The following ZSWIM9 variants were observed in gnomAD, a reference collection of about 807,000 sequenced individuals.
ZSWIM9 encodes the protein zinc finger SWIM-type containing 9.
ZSWIM9 carries 11 observed loss-of-function variants against 25.0 expected under a neutral mutation model. The observed-to-expected ratio is 0.44, with a 90% CI of 0.28 to 0.73. The LOEUF (loss-of-function observed/expected upper bound fraction) is 0.73, where lower values mean the gene tolerates loss of function less well. Ranked by LOEUF, ZSWIM9 falls within the 30% of genes least tolerant of loss-of-function variation. The probability of loss-of-function intolerance (pLI) is 0.16; values close to 1 mark genes in which losing one functional copy is unlikely to be tolerated. For missense variants in ZSWIM9, 1,070 were observed against 1,296.5 expected (o/e 0.83, Z 2.68); for synonymous variants, 562 against 582.1 (o/e 0.97, Z 0.50).
intron 3 of ZSWIM9, among the ~76,000 whole-genome samples, chr19:48,187,513 A>AT (rs2037036188): frequency 5.7e-5 from 4 of 69,618 alleles, no homozygotes; most frequent in South Asian, 3.2e-4. Flanking sequence ...ATATTATATT[A>AT]TATATATTAT....
In ZSWIM9 at chr19:48,195,433, G is replaced by A; in HGVS notation, c.1369G>A (p.Glu457Lys). 2.1e-6 allele frequency: 3 copies of A among 1,443,244 alleles called. No individual in the cohort carries two copies. The highest frequency in any genetic ancestry group is 2.7e-6 in the Non-Finnish European group (3 of 1,106,830). 89.4% of individuals were successfully genotyped at this position (1,443,244 alleles called of 1,614,324 possible). A position where few individuals can be genotyped will look rare whatever the true frequency, so the allele number is the denominator to read the frequency against. The part of the protein sequence containing the change: ...PDGGGPWLED[E>K]PGRGAQGENE... The stretch of plus-strand genomic sequence containing the variant: ...TGGCGGGGGGCCTTGGCTGGAGGAT[G>A]AGCCAGGGAGGGGAGCCCAGGGGGA... The change falls in exon 4 of 4, where the codon GAG becomes AAG. Residue 457 changes from glutamate to lysine, a missense_variant. Around this residue, in one of 4 missense-constraint regions of ZSWIM9, gnomAD observed 583 missense variants for 624.7 expected, o/e 0.93. Coordinates refer to ENST00000614654, the MANE Select transcript of ZSWIM9 (RefSeq NM_199341.4). The surrounding 1 kb of genome is among the most constrained non-coding windows in gnomAD (Gnocchi z 5.8).
intron 2 of ZSWIM9, among the ~76,000 whole-genome samples, chr19:48,177,727 C>T (rs10407902): frequency 9.2e-5 from 14 of 152,158 alleles, no homozygotes; most frequent in African/African-American, 1.4e-4. Flanking sequence ...CAAAAGCCCA[C>T]GAATTATTCT....
At chr19:48,179,765 G>T (rs2036928939) in intron 2 of ZSWIM9, among the ~76,000 whole-genome samples, 1 of 152,204 alleles carries the variant, frequency 6.6e-6, no homozygotes, top group South Asian at 2.1e-4. Flanking sequence ...AGCTGCAAAG[G>T]CATCTGTAAG....
chr19:48,182,234 A>G lies in ZSWIM9; in HGVS notation c.276-221A>G. 1.8e-6 allele frequency: 1 copy of G among 570,646 alleles called. No homozygotes were observed. The highest frequency in any genetic ancestry group is 3.1e-6 in the Non-Finnish European group (1 of 322,572). The allele number at this position is 570,646 out of a possible 1,614,324, so 35.3% of individuals were successfully genotyped here. A position where few individuals can be genotyped will look rare whatever the true frequency, so the allele number is the denominator to read the frequency against. ...CATGCTCATGACGATCCTATGAGGA[A>G]GGTATGATGAGTAGGACCTTCCTTG... On this transcript the variant is annotated intron_variant, in intron 2 of 3. Coordinates refer to ENST00000614654, the MANE Select transcript of ZSWIM9 (RefSeq NM_199341.4). The surrounding 1 kb of genome is among the most constrained non-coding windows in gnomAD (Gnocchi z 4.6).
intron 2 of ZSWIM9, among the ~76,000 whole-genome samples, chr19:48,172,971 C>T (rs535752570): frequency 4.6e-5 from 7 of 152,210 alleles, no homozygotes; most frequent in East Asian, 3.9e-4. Flanking sequence ...GTTTTGTACA[C>T]GTGACAAAGA....
chr19:48,171,838 G>A lies in ZSWIM9; in HGVS notation c.36G>A (p.Ala12=), dbSNP rs1173546563. ...CGGAGCCCCCACCCGGCACGGCTGCGGGGCAGGAGGAGCAGGAGCTGCGGG... is the reference window on the plus strand; with the variant it reads ...CGGAGCCCCCACCCGGCACGGCTGCAGGGCAGGAGGAGCAGGAGCTGCGGG... ...ERPEPPPGTA[A]GQEEQELRER... Residue 12 remains alanine, a synonymous_variant, in exon 2 of 4, where the codon GCG becomes GCA. Transcript: ENST00000614654. 1.2e-5 allele frequency: 18 copies of A among 1,534,174 alleles called. No individual in the cohort carries two copies. Among genetic ancestry groups the A allele is most frequent in the East Asian group, 2.4e-5 (1 of 40,876 alleles).
chr19:48,171,602 G>A (rs1599916661), intron 1 of ZSWIM9, among the ~76,000 whole-genome samples, 192 bp from the exon 2 acceptor site: 1 of 152,130 alleles, frequency 6.6e-6, no homozygotes, highest in South Asian at 2.1e-4. Context: ...GGGATAAGGC[G>A]GTGGGAGGAG....
rs1210309852 is a variant in ZSWIM9 at position 48,187,431 on chromosome 19, ATATTATATATAT to A, written c.588+4668_588+4679del. Among the ~76,000 whole-genome samples the A allele has an allele frequency of 1.6e-4, 17 of 103,566 alleles. No individual in the cohort carries two copies. In the East Asian group the frequency reaches 3.1e-3, roughly 19 times the overall value. The allele number at this position is 103,566 out of a possible 152,430, so 67.9% of individuals were successfully genotyped here. On this transcript the variant is annotated intron_variant, in intron 3 of 3. Coordinates refer to ENST00000614654, the MANE Select transcript of ZSWIM9 (RefSeq NM_199341.4). Reference sequence around the variant, plus strand: ...ATATATTATAATTATATATTATATTATATTATATATATTATATATTATATATTAATTATATAT... The same window carrying A: ...ATATATTATAATTATATATTATATTATATATATTATATATTAATTATATAT...
In ZSWIM9 at chr19:48,194,894, C is replaced by T. The variant is rs2037138145; in HGVS notation, c.830C>T (p.Ser277Leu). ...AGCCTGCTGCGCTTCGCGCTCGCGT[C>T]GCTGCTGCAGAGCGCGCCAGACGTC... is the stretch of plus-strand genomic sequence containing the variant. ...TPSLLRFALASLLQSAPDVKG... is the reference protein window; with the variant it reads ...TPSLLRFALALLLQSAPDVKG... Residue 277 changes from serine to leucine, a missense_variant, in exon 4 of 4, where the codon TCG becomes TTG. Around this residue, in one of 4 missense-constraint regions of ZSWIM9, gnomAD observed 38 missense variants for 89.7 expected, o/e 0.42. Coordinates refer to ENST00000614654, the MANE Select transcript of ZSWIM9 (RefSeq NM_199341.4). This position sits in a 1 kb window ranked among gnomAD's most constrained non-coding sequence, Gnocchi z 6.0. 2 of 1,317,292 alleles carry T rather than the reference C, an allele frequency of 1.5e-6. No homozygotes were observed. Among genetic ancestry groups the T allele is most frequent in the Non-Finnish European group, 9.6e-7 (1 of 1,037,886 alleles). 81.6% of individuals were successfully genotyped at this position (1,317,292 alleles called of 1,614,324 possible). A position where few individuals can be genotyped will look rare whatever the true frequency, so the allele number is the denominator to read the frequency against.
chr19:48,178,948 G>C (rs1022577114), intron 2 of ZSWIM9, among the ~76,000 whole-genome samples: 3 of 152,054 alleles, frequency 2.0e-5, no homozygotes, highest in Admixed American at 1.3e-4. Flanking sequence ...CTATGGCTTC[G>C]TTTGCAATAT....
At chr19:48,178,673 T>G (rs11670094) in intron 2 of ZSWIM9, among the ~76,000 whole-genome samples, 1 of 151,620 alleles carries the variant, frequency 6.6e-6, no homozygotes, top group African/African-American at 2.4e-5. Context: ...ACCTCCTGGG[T>G]TCAAGCGATC....
At chr19:48,171,571 T>A (rs1474711342) in intron 1 of ZSWIM9, among the ~76,000 whole-genome samples, 1 of 152,042 alleles carries the variant, frequency 6.6e-6, no homozygotes, top group Non-Finnish European at 1.5e-5. Flanking sequence ...GGAATCAAGA[T>A]GACAGGCTCC....
In ZSWIM9 at chr19:48,195,606, G is replaced by A; in HGVS notation, c.1542G>A (p.Lys514=). The change falls in exon 4 of 4, where the codon AAG becomes AAA. Residue 514 remains lysine, a synonymous_variant. Coordinates refer to ENST00000614654, the MANE Select transcript of ZSWIM9 (RefSeq NM_199341.4). The surrounding 1 kb of genome is among the most constrained non-coding windows in gnomAD (Gnocchi z 5.8). ...GCGGGGCTCAGTTCGAAGGTGAGAA[G>A]GGGAGGGCACTGCAGATCAGAGATT... ...DWGGAQFEGE[K]GRALQIRDWR... 7.0e-7 allele frequency: 1 copy of A among 1,422,654 alleles called. No individual in the cohort carries two copies. The highest frequency in any genetic ancestry group is 3.0e-5 in the Admixed American group (1 of 33,428). The allele number at this position is 1,422,654 out of a possible 1,614,324, so 88.1% of individuals were successfully genotyped here. A position where few individuals can be genotyped will look rare whatever the true frequency, so the allele number is the denominator to read the frequency against.
rs1434084328 is a variant in ZSWIM9, at chr19:48,171,966, G to A, written c.164G>A (p.Arg55His). ...GTCAAGAGCTCCATGCACCTGGCGCGCTGCCGCTGGGCCAGTGCGCCCCCG... is the reference window on the plus strand; with the variant it reads ...GTCAAGAGCTCCATGCACCTGGCGCACTGCCGCTGGGCCAGTGCGCCCCCG... ...FFVKSSMHLA[R>H]CRWASAPPLY... Residue 55 changes from arginine (R) to histidine (H), a missense_variant, in exon 2 of 4, where the codon CGC (arginine) becomes CAC (histidine). Around this residue, in one of 4 missense-constraint regions of ZSWIM9, gnomAD observed 265 missense variants for 339.0 expected, o/e 0.78. Transcript: ENST00000614654. 7 of 1,535,086 alleles carry A rather than the reference G, an allele frequency of 4.6e-6. No individual in the cohort carries two copies. The highest frequency in any genetic ancestry group is 1.2e-5 in the South Asian group (1 of 83,998).
Position 48,194,598 on chromosome 19 carries a change from G to T in ZSWIM9, c.589-55G>T, listed in dbSNP as rs2123452197. On this transcript the variant is annotated intron_variant, in intron 3 of 3. Transcript: ENST00000614654. The surrounding 1 kb of genome is among the most constrained non-coding windows in gnomAD (Gnocchi z 6.0). ...GAAACCGAGGTCGGGGAGCTGGGCG[G>T]GGAGACCCCAGCATCCTCTGACCTC... is the stretch of plus-strand genomic sequence containing the variant. 1.5e-6 allele frequency: 2 copies of T among 1,354,806 alleles called. No individual in the cohort carries two copies. The highest frequency in any genetic ancestry group is 3.0e-5 in the African/African-American group (2 of 65,954). 83.9% of individuals were successfully genotyped at this position (1,354,806 alleles called of 1,614,324 possible).
Position 48,195,005 on chromosome 19 carries a change from T to C in ZSWIM9, c.941T>C (p.Val314Ala), listed in dbSNP as rs2037140179. Residue 314 changes from valine (V) to alanine (A), a missense_variant, in exon 4 of 4, where the codon GTG becomes GCG. Coordinates refer to ENST00000614654, the MANE Select transcript of ZSWIM9 (RefSeq NM_199341.4). The surrounding 1 kb of genome is among the most constrained non-coding windows in gnomAD (Gnocchi z 5.8). ...CGCCAGCTGCTGCCCTGCGCGCGCG[T>C]GCAGATCTGCCGCGCGCAGGGCCTG... ...AVRQLLPCAR[V>A]QICRAQGLET... is the part of the protein sequence containing the mutation. The C allele has an allele frequency of 7.4e-7, 1 of 1,354,072 alleles. No individual in the cohort carries two copies. Among genetic ancestry groups the C allele is most frequent in the Non-Finnish European group, 9.4e-7 (1 of 1,060,364 alleles). The allele number at this position is 1,354,072 out of a possible 1,614,324, so 83.9% of individuals were successfully genotyped here.
At position 48,195,692 on chromosome 19, in the gene ZSWIM9, G is replaced by A; in HGVS notation, c.1628G>A (p.Gly543Glu). The change falls in exon 4 of 4, where the codon GGG (glycine) becomes GAG (glutamate). Residue 543 changes from glycine to glutamate, a missense_variant. Gly to Glu is a moderately conservative substitution (Grantham distance 98). Transcript: ENST00000614654. This position sits in a 1 kb window ranked among gnomAD's most constrained non-coding sequence, Gnocchi z 5.8. Reference sequence around the variant, plus strand: ...GGACTGGAAGGGGGTGTCTTGAGAGGGTCGAAGTTAGAGAAAGGGCACCTG... The same window carrying A: ...GGACTGGAAGGGGGTGTCTTGAGAGAGTCGAAGTTAGAGAAAGGGCACCTG... ...PRGLEGGVLRGSKLEKGHLRG... is the reference protein window; with the variant it reads ...PRGLEGGVLRESKLEKGHLRG... The A allele has an allele frequency of 6.9e-7, 1 of 1,459,208 alleles. No homozygotes were observed. Among genetic ancestry groups the A allele is most frequent in the Non-Finnish European group, 9.0e-7 (1 of 1,112,926 alleles). The allele number at this position is 1,459,208 out of a possible 1,614,324, so 90.4% of individuals were successfully genotyped here.
chr19:48,193,065 GTGCTGAATAC>G (rs1045074550), intron 3 of ZSWIM9: 6 of 155,244 alleles, frequency 3.9e-5, no homozygotes, highest in African/African-American at 1.4e-4. Flanking sequence ...ATGTAGACTT[GTGCTGAATAC>G]TGCTGAGAGA....
intron 2 of ZSWIM9, chr19:48,181,899 T>C (rs936986443): frequency 6.6e-6 from 1 of 152,550 alleles, no homozygotes; most frequent in Admixed American, 6.5e-5. Context: ...TGTTTATGGG[T>C]GCATAAAAAT....
Sources: gnomAD v4.1 joint callset for allele counts (sites outside exome capture counted in the v4.1 genomes callset) on GRCh38, gnomAD v4.1.1 for gene constraint, gnomAD v4.1.1 regional missense constraint, Gnocchi (gnomAD v3.1) non-coding constraint, MANE v1.5 for transcripts, NCBI Gene and HGNC (gene_info 2026-07-23, HGNC 2026-07-21) for gene names.